The following USP42 variants were observed in gnomAD, a reference collection of about 807,000 sequenced individuals.
USP42 encodes ubiquitin carboxyl-terminal hydrolase 42.
In USP42, 23 loss-of-function variants were observed where a neutral mutation model predicts 113.0. The observed-to-expected ratio is 0.20, with a 90% confidence interval of 0.15 to 0.29. USP42 has a LOEUF of 0.29. USP42 is among the 10% of genes least tolerant of loss of function. The pLI is 1.00. For missense variants in USP42, 2,174 were observed against 1,779.8 expected, an observed-to-expected ratio of 1.22 and a Z score of -3.99; for synonymous variants, 933 against 699.0, an observed-to-expected ratio of 1.33 and a Z score of -5.28.
intron 3 of USP42, among the ~76,000 whole-genome samples, chr7:6,122,677 G>A (rs1367116489): frequency 2.0e-5 from 3 of 151,594 alleles, no homozygotes; most frequent in Non-Finnish European, 2.9e-5. Flanking sequence ...CAACATGTTG[G>A]CCAGGATGGT....
Position 6,161,475 on chromosome 7 carries a change from T to C in USP42, c.*957T>C, listed in dbSNP as rs1782789171. On this transcript the variant is annotated 3_prime_UTR_variant, in exon 18 of 18. Transcript: ENST00000306177. ...TTCAGAGATGTTTAAAGTTTGATCT[T>C]TGTTTTTCTAAAGATTAAAAAAGCA... 1 of 152,632 alleles carries C rather than the reference T, an allele frequency of 6.6e-6. No homozygotes were observed. Among genetic ancestry groups the C allele is most frequent in the Non-Finnish European group, 1.5e-5 (1 of 68,022 alleles). The allele number at this position is 152,632 out of a possible 1,614,324, so 9.5% of individuals were successfully genotyped here.
intron 3 of USP42, chr7:6,116,413 C>G (rs1017388650): frequency 1.8e-5 from 3 of 168,010 alleles, no homozygotes; most frequent in African/African-American, 4.8e-5. Context: ...TTGGAACATC[C>G]GTTTTTGAGG....
the USP42 span, among the ~76,000 whole-genome samples, chr7:6,082,719 T>C: frequency 7.0e-6 from 1 of 143,826 alleles, no homozygotes; most frequent in African/African-American, 2.7e-5. Context: ...CAAGCAATTC[T>C]CCTATCTGAG....
rs542106348 is a variant in USP42, at chr7:6,106,879, T to G, written c.-10+1847T>G. On this transcript the variant is annotated intron_variant, in intron 1 of 17. Coordinates refer to ENST00000306177, the MANE Select transcript of USP42 (RefSeq NM_032172.3). Reference sequence around the variant, plus strand: ...CCATGCCCCACCTGTAGGTTGTTGTTTTAATGCTCTTGTAACTTTTATATA... The same window carrying G: ...CCATGCCCCACCTGTAGGTTGTTGTGTTAATGCTCTTGTAACTTTTATATA... Among the ~76,000 whole-genome samples the G allele has an allele frequency of 3.9e-5, 6 of 152,328 alleles. No homozygotes were observed. In the South Asian group the frequency reaches 1.2e-3, roughly 32 times the overall value.
At chr7:6,120,867 A>C (rs1045860459) in intron 3 of USP42, among the ~76,000 whole-genome samples, 1 of 152,246 alleles carries the variant, frequency 6.6e-6, no homozygotes, top group African/African-American at 2.4e-5. Context: ...TACAGGGGTG[A>C]GCCACTGCAC....
chr7:6,147,984 T>C, intron 12 of USP42, 92 bp downstream of exon 12: 3 of 1,261,884 alleles, frequency 2.4e-6, no homozygotes, highest in South Asian at 1.4e-5. Context: ...TGCTGTGTCC[T>C]CAAATACATC....
At chr7:6,152,621 G>C (rs1782138821) in intron 14 of USP42, among the ~76,000 whole-genome samples, 2 of 152,204 alleles carry the variant, frequency 1.3e-5, no homozygotes, top group South Asian at 4.1e-4. Flanking sequence ...GGCCAGCTTG[G>C]ACACTCGCTC....
intron 8 of USP42, among the ~76,000 whole-genome samples, chr7:6,143,680 T>A (rs1781550389): frequency 6.6e-6 from 1 of 152,080 alleles, no homozygotes; most frequent in Non-Finnish European, 1.5e-5. Flanking sequence ...CTTTTGTTTC[T>A]GGTTAGGGCT....
upstream of USP42, among the ~76,000 whole-genome samples, chr7:6,103,043 G>A (rs1385025231): frequency 2.0e-5 from 3 of 150,948 alleles, 1 homozygote; most frequent in African/African-American, 7.4e-5. Context: ...AAGAGGCAGT[G>A]AGAGAGGAAA....
chr7:6,099,673 T>C, the USP42 span, among the ~76,000 whole-genome samples: 1 of 150,332 alleles, frequency 6.7e-6, no homozygotes, highest in Non-Finnish European at 1.5e-5. Flanking sequence ...AAAGGATCTG[T>C]TATTACCATC....
chr7:6,129,321 C>T (rs894516214), intron 3 of USP42, among the ~76,000 whole-genome samples: 1 of 151,598 alleles, frequency 6.6e-6, no homozygotes, highest in Non-Finnish European at 1.5e-5. Context: ...TTTGGGAAGC[C>T]GAGGCAGGTG....
intron 1 of USP42, among the ~76,000 whole-genome samples, chr7:6,108,627 C>T (rs1437160194): frequency 1.3e-5 from 2 of 152,052 alleles, no homozygotes; most frequent in African/African-American, 2.4e-5. Context: ...ATTACAGACA[C>T]GCACCACCAT....
At chr7:6,090,859 C>T in the USP42 span, among the ~76,000 whole-genome samples, 78 of 147,546 alleles carry the variant, frequency 5.3e-4, no homozygotes, top group Admixed American at 1.5e-3. Flanking sequence ...TAACTAACTT[C>T]TATTAGTAAT....
chr7:6,146,067 AAAAG>A (rs1043771098), intron 10 of USP42, 77 bp from the exon 11 acceptor site: 62 of 1,166,838 alleles, frequency 5.3e-5, no homozygotes, highest in African/African-American at 1.7e-4. Context: ...ATCTCAAAAA[AAAAG>A]AAAGAAATAT....
intron 3 of USP42, among the ~76,000 whole-genome samples, 155 bp downstream of exon 3, chr7:6,115,678 G>A (rs1779872675): frequency 6.6e-6 from 1 of 152,138 alleles, no homozygotes; most frequent in Non-Finnish European, 1.5e-5. Flanking sequence ...CTCAGGATTG[G>A]GATTCAGGTT....
rs377259191 is a variant in USP42 at position 6,114,479 on chromosome 7, A to G, written c.242-844A>G. ...TCCCCACGACATTATCTCAAATCCA[A>G]TACTTCATCTTTCACTTGTATTTTA... On this transcript the variant is annotated intron_variant, in intron 2 of 17. Coordinates refer to ENST00000306177, the MANE Select transcript of USP42 (RefSeq NM_032172.3). Among the ~76,000 whole-genome samples, 15 of 151,746 alleles carry G rather than the reference A, an allele frequency of 9.9e-5. No homozygotes were observed. In the East Asian group the frequency reaches 1.2e-3, roughly 12 times the overall value.
At chr7:6,152,374 G>T (rs1196017082) in intron 14 of USP42, among the ~76,000 whole-genome samples, 1 of 152,252 alleles carries the variant, frequency 6.6e-6, no homozygotes, top group Non-Finnish European at 1.5e-5. Context: ...GGAAACGTCA[G>T]TGTCAGTGAA....
the USP42 span, among the ~76,000 whole-genome samples, chr7:6,097,237 T>C: frequency 9.0e-4 from 136 of 151,234 alleles, 12 homozygotes; most frequent in African/African-American, 3.2e-3. Flanking sequence ...TCCGTGGTCC[T>C]GGTAAAACGG....
intron 1 of USP42, among the ~76,000 whole-genome samples, chr7:6,106,362 C>T (rs149660851): frequency 3.3e-5 from 5 of 152,296 alleles, no homozygotes; most frequent in East Asian, 3.9e-4. Flanking sequence ...AATATTATTA[C>T]CTCAATGTAT....
Sources: allele counts gnomAD v4.1 joint callset (sites outside exome capture counted in the v4.1 genomes callset), GRCh38; gene constraint gnomAD v4.1.1; transcripts MANE v1.5; gene names NCBI Gene and HGNC (gene_info 2026-07-23, HGNC 2026-07-21).